Variants in PLCE1 observed in about 807,000 individuals in gnomAD.
PLCE1 encodes the protein 1-phosphatidylinositol 4,5-bisphosphate phosphodiesterase epsilon-1.
A neutral mutation model predicts 242.8 loss-of-function variants in PLCE1; 119 were observed. The ratio of observed to expected loss-of-function variants is 0.49; its 90% confidence interval spans 0.42 to 0.57. The LOEUF (loss-of-function observed/expected upper bound fraction) is 0.57, where lower values mean the gene tolerates loss of function less well. Ranked by LOEUF, PLCE1 falls within the 20% of genes least tolerant of loss-of-function variation. PLCE1 has a pLI of 0.00. For missense variants in PLCE1, 2,441 were observed against 2,788.8 expected (o/e 0.88, Z 2.81); for synonymous variants, 945 against 1,017.4 (o/e 0.93, Z 1.35).
intron 2 of PLCE1, among the ~76,000 whole-genome samples, chr10:94,093,326 G>T (rs1217647114): frequency 6.6e-6 from 1 of 152,158 alleles, no homozygotes. Flanking sequence ...TCACTGTTTT[G>T]AAAGTCTTTG....
At chr10:94,115,705 C>T (rs1489019129) in intron 2 of PLCE1, among the ~76,000 whole-genome samples, 4 of 152,162 alleles carry the variant, frequency 2.6e-5, no homozygotes, top group South Asian at 2.1e-4. Context: ...TTCTCCCATT[C>T]TACAGGTTGC....
chr10:94,066,907 C>G (rs955490765), intron 2 of PLCE1, among the ~76,000 whole-genome samples: 2 of 152,202 alleles, frequency 1.3e-5, no homozygotes, highest in Non-Finnish European at 2.9e-5. Context: ...CTGCATCACT[C>G]CAGCTATTCG....
At chr10:94,091,650 A>T (rs538087380) in intron 2 of PLCE1, among the ~76,000 whole-genome samples, 1 of 152,338 alleles carries the variant, frequency 6.6e-6, no homozygotes, top group South Asian at 2.1e-4. Flanking sequence ...AATGAAGAGT[A>T]AGAAGCCAGG....
At chr10:94,198,134 G>C (rs913705789) in intron 4 of PLCE1, among the ~76,000 whole-genome samples, 5 of 151,462 alleles carry the variant, frequency 3.3e-5, no homozygotes, top group African/African-American at 9.7e-5. Flanking sequence ...CTAAGTCTTT[G>C]ACTATGAATG....
intron 3 of PLCE1, among the ~76,000 whole-genome samples, chr10:94,142,846 C>T (rs1362598028): frequency 6.6e-6 from 1 of 152,218 alleles, no homozygotes; most frequent in Admixed American, 6.5e-5. Flanking sequence ...ACCTGTGTAA[C>T]TCCTTTAGCG....
chr10:94,024,504 G>GAATACAGGTAGTAA (rs2061425192), intron 1 of PLCE1, among the ~76,000 whole-genome samples: 1 of 151,954 alleles, frequency 6.6e-6, no homozygotes, highest in Non-Finnish European at 1.5e-5. Context: ...TCCTTTTCAT[G>GAATACAGGTAGTAA]AATACAGGTA....
chr10:94,119,852 T>G (rs974864386), intron 2 of PLCE1, among the ~76,000 whole-genome samples: 1 of 152,230 alleles, frequency 6.6e-6, no homozygotes, highest in African/African-American at 2.4e-5. Context: ...AGACATTCAG[T>G]AAATATTTGT....
chr10:94,152,802 A>G (rs1308222323), intron 3 of PLCE1, among the ~76,000 whole-genome samples: 1 of 152,166 alleles, frequency 6.6e-6, no homozygotes, highest in East Asian at 1.9e-4. Flanking sequence ...AGGGGAAAAA[A>G]TTCCAAGTCC....
At chr10:94,252,626 G>A (rs1213952261) in intron 9 of PLCE1, 128 bp downstream of exon 9, 5 of 797,196 alleles carry the variant, frequency 6.3e-6, no homozygotes, top group Non-Finnish European at 1.0e-5. Context: ...GAAGATACAA[G>A]GGCTTACCAC....
intron 3 of PLCE1, among the ~76,000 whole-genome samples, chr10:94,135,361 G>A (rs765191287): frequency 1.3e-5 from 2 of 152,190 alleles, no homozygotes; most frequent in Non-Finnish European, 2.9e-5. Context: ...CTTGAACTCT[G>A]ATGGCCATGT....
At chr10:94,255,195 A>G in intron 11 of PLCE1, 146 bp downstream of exon 11, 2 of 913,570 alleles carry the variant, frequency 2.2e-6, no homozygotes, top group Non-Finnish European at 1.7e-6. Flanking sequence ...CAAAATTTTA[A>G]ATGATCCTAA....
intron 6 of PLCE1, 138 bp from the exon 7 acceptor site, chr10:94,235,777 C>T: frequency 6.9e-7 from 1 of 1,456,362 alleles, no homozygotes; most frequent in Non-Finnish European, 9.1e-7. Flanking sequence ...AAATGTTTTT[C>T]CTGGAGGCTC....
At chr10:94,006,819 A>G (rs868368930) in intron 1 of PLCE1, among the ~76,000 whole-genome samples, 1 of 152,234 alleles carries the variant, frequency 6.6e-6, no homozygotes. Flanking sequence ...TGAAGGCTCA[A>G]AATGACTGTG....
rs752701924 is a variant in PLCE1 at position 94,031,693 on chromosome 10, G to T, written c.647G>T (p.Cys216Phe). The T allele has an allele frequency of 3.1e-6, 5 of 1,613,892 alleles. No homozygotes were observed. In the South Asian group the frequency reaches 5.5e-5, roughly 18 times the overall value. Residue 216 changes from cysteine to phenylalanine, a missense_variant, in exon 2 of 33, where the codon TGT becomes TTT. This residue lies in a region of PLCE1 where 393 missense variants were observed against 378.5 expected (regional missense o/e 1.04). Transcript: ENST00000371380. ...ENLILDDCGNCVPLPGGEEKQ... is the reference protein window; with the variant it reads ...ENLILDDCGNFVPLPGGEEKQ... ...TTAATTTTAGACGATTGTGGAAATTGTGTACCACTACCTGGGGGTGAGGAG... is the reference window on the plus strand; with the variant it reads ...TTAATTTTAGACGATTGTGGAAATTTTGTACCACTACCTGGGGGTGAGGAG...
rs7899273 is a variant in PLCE1, at chr10:94,322,511, A to G, written c.6501+452A>G. ...ACAAAAAGTACAAAAATTGCTGGGC[A>G]CGGGGGTTCACGCCTGTAATCCCAA... On this transcript the variant is annotated intron_variant, in intron 30 of 32. Coordinates refer to ENST00000371380, the MANE Select transcript of PLCE1 (RefSeq NM_016341.4). Among the ~76,000 whole-genome samples, 313 of 152,234 alleles carry G rather than the reference A, an allele frequency of 2.1e-3. 5 individuals are homozygous for G. The highest frequency in any genetic ancestry group is 0.019 in the Admixed American group (291 of 15,288).
chr10:94,242,254 A>C (rs2050531305), intron 7 of PLCE1, among the ~76,000 whole-genome samples: 1 of 152,062 alleles, frequency 6.6e-6, no homozygotes, highest in South Asian at 2.1e-4. Flanking sequence ...AGAGCATAAA[A>C]TATCATGTAA....
At chr10:94,033,599 A>AT (rs2061605788) in intron 2 of PLCE1, among the ~76,000 whole-genome samples, 1 of 152,020 alleles carries the variant, frequency 6.6e-6, no homozygotes, top group Non-Finnish European at 1.5e-5. Context: ...CCTCAACCAG[A>AT]TTTCCAGGTC....
intron 2 of PLCE1, among the ~76,000 whole-genome samples, chr10:94,063,210 T>C (rs1431365298): frequency 2.0e-5 from 3 of 152,234 alleles, no homozygotes; most frequent in African/African-American, 7.2e-5. Context: ...ATGGTGGTTT[T>C]GTTTTTAACT....
chr10:94,326,828 T>C (rs373439427), intron 32 of PLCE1, among the ~76,000 whole-genome samples: 17 of 152,288 alleles, frequency 1.1e-4, no homozygotes, highest in African/African-American at 3.1e-4. Context: ...CAAGCAGATA[T>C]TTAGAATCAT....
Sources: allele counts gnomAD v4.1 joint callset (sites outside exome capture counted in the v4.1 genomes callset), GRCh38; gene constraint gnomAD v4.1.1; regional missense constraint gnomAD v4.1.1; transcripts MANE v1.5; gene names NCBI Gene and HGNC (gene_info 2026-07-23, HGNC 2026-07-21).